Variants in WDR19 observed in about 807,000 individuals in gnomAD.
WDR19 encodes the protein WD repeat-containing protein 19.
WDR19 carries 121 observed loss-of-function variants against 180.0 expected under a neutral mutation model. The observed-to-expected ratio is 0.67, with a 90% CI of 0.58 to 0.78. The LOEUF is 0.78. WDR19 is among the 30% of genes least tolerant of loss of function. The probability of loss-of-function intolerance (pLI) is 0.00; values close to 1 mark genes in which losing one functional copy is unlikely to be tolerated. For missense variants in WDR19, 1,450 were observed against 1,640.7 expected (o/e 0.88, Z 2.01); for synonymous variants, 497 against 540.7 (o/e 0.92, Z 1.12).
At chr4:39,277,678 GTC>G (rs1326362430) in intron 34 of WDR19, among the ~76,000 whole-genome samples, 4 of 152,112 alleles carry the variant, frequency 2.6e-5, no homozygotes, top group African/African-American at 9.7e-5. Flanking sequence ...TTTTAATGCT[GTC>G]TCTCTGTTAC....
chr4:39,283,227 T>A (rs1429559084), intron 36 of WDR19, among the ~76,000 whole-genome samples: 2 of 152,204 alleles, frequency 1.3e-5, no homozygotes, highest in Non-Finnish European at 2.9e-5. Flanking sequence ...TTAATCCATT[T>A]ATATGGTAAG....
chr4:39,217,263 G>A, intron 13 of WDR19, 23 bp downstream of exon 13: 3 of 1,514,634 alleles, frequency 2.0e-6, no homozygotes. Context: ...TTGATGTCCT[G>A]GAGACGCGCT....
chr4:39,215,774 A>T, intron 10 of WDR19, 67 bp from the exon 11 acceptor site: 1 of 1,456,992 alleles, frequency 6.9e-7, no homozygotes. Context: ...TTAAATGAAA[A>T]TATTTGTTTG....
At chr4:39,281,236 T>TAGAGAGAGAGAGAGAGAGAGAGAGAGAG (rs1553919999) in intron 36 of WDR19, among the ~76,000 whole-genome samples, 7 of 104,032 alleles carry the variant, frequency 6.7e-5, no homozygotes, top group South Asian at 3.1e-4. Flanking sequence ...TATATATATA[T>TAGAGAGAGAGAGAGAGAGAGAGAGAGAG]AGAGAGAGAG....
intron 36 of WDR19, among the ~76,000 whole-genome samples, chr4:39,278,976 C>A (rs1736191699): frequency 6.6e-6 from 1 of 151,616 alleles, no homozygotes; most frequent in South Asian, 2.1e-4. Flanking sequence ...TTTTTAGGGT[C>A]TGTGATATAA....
In WDR19 at chr4:39,228,225, T is replaced by C. The variant is rs1730475825; in HGVS notation, c.1645T>C (p.Tyr549His). The C allele has an allele frequency of 1.9e-6, 3 of 1,612,990 alleles. No individual in the cohort carries two copies. The East Asian group carries it at 6.7e-5, about 36-fold the overall frequency. The change falls in exon 16 of 37, where the codon TAT (tyrosine) becomes CAT (histidine). Residue 549 changes from tyrosine (Y) to histidine (H), a missense_variant. Physicochemically the swap from Tyr to His is moderately conservative, Grantham distance 83. Coordinates refer to ENST00000399820, the MANE Select transcript of WDR19 (RefSeq NM_025132.4). ...TATTTTGTAGGTCAATGACGCTACC[T>C]ATGAGATTCCAGATTTTTCACCAAC... ...FVYCPVNDAT[Y>H]EIPDFSPTIK...
At chr4:39,198,171 A>C (rs6815686) in intron 5 of WDR19, among the ~76,000 whole-genome samples, 1 of 151,960 alleles carries the variant, frequency 6.6e-6, no homozygotes, top group Non-Finnish European at 1.5e-5. Context: ...ACAGTTAAAC[A>C]GTGAATGTTA....
intron 10 of WDR19, among the ~76,000 whole-genome samples, chr4:39,214,925 A>G (rs1728910165): frequency 6.6e-6 from 1 of 152,132 alleles, no homozygotes. Flanking sequence ...GGCACGTGCC[A>G]CCACGCCCAG....
intron 33 of WDR19, chr4:39,275,339 C>CAAAAA: frequency 3.9e-5 from 4 of 103,636 alleles, no homozygotes; most frequent in East Asian, 2.2e-4. Context: ...GACCCCATCT[C>CAAAAA]AAAAAAAAAA....
intron 24 of WDR19, among the ~76,000 whole-genome samples, chr4:39,248,488 A>T (rs1284151184): frequency 6.6e-6 from 1 of 152,238 alleles, no homozygotes; most frequent in African/African-American, 2.4e-5. Flanking sequence ...ACAGGATCAA[A>T]TTCACACATA....
At chr4:39,235,324 C>T (rs983714838) in intron 20 of WDR19, among the ~76,000 whole-genome samples, 1 of 152,028 alleles carries the variant, frequency 6.6e-6, no homozygotes, top group Non-Finnish European at 1.5e-5. Context: ...TTTAGAGAGA[C>T]AGGGTCTCAC....
At chr4:39,183,250 C>CTTT (rs113490249) in intron 1 of WDR19, among the ~76,000 whole-genome samples, 5 of 79,252 alleles carry the variant, frequency 6.3e-5, no homozygotes, top group South Asian at 5.8e-4. Context: ...AAATGGAAGG[C>CTTT]TTTTTTTTTT....
At chr4:39,212,073 A>G (rs562850144) in intron 9 of WDR19, among the ~76,000 whole-genome samples, 2 of 152,304 alleles carry the variant, frequency 1.3e-5, no homozygotes, top group East Asian at 3.9e-4. Flanking sequence ...CATTCTTCCC[A>G]ATATAAAAAC....
chr4:39,228,518 G>C lies in WDR19; in HGVS notation c.1810G>C (p.Val604Leu), dbSNP rs1245108212. The C allele has an allele frequency of 3.1e-6, 5 of 1,613,774 alleles. No homozygotes were observed. The highest frequency in any genetic ancestry group is 1.3e-5 in the African/African-American group (1 of 74,912). The change falls in exon 17 of 37, where the codon GTT becomes CTT. Residue 604 changes from valine (V) to leucine (L), a missense_variant. Transcript: ENST00000399820. ...AKVILAGSTKVPFAHKPLLLY... is the reference protein window; with the variant it reads ...AKVILAGSTKLPFAHKPLLLY... ...GGTTATTTTGGCTGGTAGCACCAAA[G>C]TTCCTTTTGCTCATAAACCTTTGCT...
chr4:39,274,614 A>G (rs1735713895), intron 32 of WDR19, 194 bp from the exon 33 acceptor site: 2 of 597,516 alleles, frequency 3.3e-6, no homozygotes, highest in Admixed American at 6.0e-5. Flanking sequence ...AAGGAAAAGC[A>G]CTTGATGGGC....
At chr4:39,281,435 G>C (rs1736530412) in intron 36 of WDR19, among the ~76,000 whole-genome samples, 1 of 108,918 alleles carries the variant, frequency 9.2e-6, no homozygotes, top group South Asian at 2.6e-4. Flanking sequence ...CTTTGCCGTT[G>C]ACGTGTTTTT....
intron 28 of WDR19, among the ~76,000 whole-genome samples, chr4:39,262,812 A>T (rs1314960753): frequency 6.6e-6 from 1 of 152,182 alleles, no homozygotes; most frequent in Non-Finnish European, 1.5e-5. Flanking sequence ...TGTTTAGCAC[A>T]TGGCAGTCAC....
chr4:39,225,358 C>G (rs1361818525), intron 15 of WDR19, among the ~76,000 whole-genome samples: 1 of 152,192 alleles, frequency 6.6e-6, no homozygotes, highest in Admixed American at 6.5e-5. Context: ...CATGACTTTT[C>G]TCTCCCAATA....
intron 4 of WDR19, among the ~76,000 whole-genome samples, chr4:39,193,173 T>C (rs933399771): frequency 6.6e-6 from 1 of 151,680 alleles, no homozygotes; most frequent in Middle Eastern, 3.4e-3. Flanking sequence ...TTCTTTTTTT[T>C]TTTTTTGAGA....
Sources: allele counts gnomAD v4.1 joint callset (sites outside exome capture counted in the v4.1 genomes callset), GRCh38; gene constraint gnomAD v4.1.1; transcripts MANE v1.5; gene names NCBI Gene and HGNC (gene_info 2026-07-23, HGNC 2026-07-21).